The following LCOR variants were observed in gnomAD, a reference collection of about 807,000 sequenced individuals.
LCOR encodes the protein ligand dependent nuclear receptor corepressor, also known as ligand-dependent corepressor.
In LCOR, 14 loss-of-function variants were observed where a neutral mutation model predicts 64.4. The ratio of observed to expected loss-of-function variants is 0.22; its 90% CI spans 0.14 to 0.34. The LOEUF (loss-of-function observed/expected upper bound fraction) is 0.34. LCOR is among the 10% of genes least tolerant of loss of function. The pLI is 1.00. For synonymous variants in LCOR, 643 were observed against 642.5 expected (o/e 1.00, Z -0.01); for missense variants, 1,686 against 1,765.3 (o/e 0.96, Z 0.80).
intron 7 of LCOR, among the ~76,000 whole-genome samples, chr10:96,967,216 A>G (rs1298718268): frequency 6.6e-6 from 1 of 152,010 alleles, no homozygotes; most frequent in Non-Finnish European, 1.5e-5. Context: ...TGTAACCTCC[A>G]CTTCCCAGGT....
intron 4 of LCOR, among the ~76,000 whole-genome samples, chr10:96,943,728 A>C (rs1589673518): frequency 6.6e-6 from 1 of 151,290 alleles, no homozygotes; most frequent in South Asian, 2.1e-4. Flanking sequence ...TTGGAATTCA[A>C]AAAAAATTTT....
intron 2 of LCOR, among the ~76,000 whole-genome samples, chr10:96,866,810 A>T (rs945664487): frequency 2.0e-5 from 3 of 152,144 alleles, no homozygotes; most frequent in African/African-American, 7.2e-5. Context: ...TCCTGACCTC[A>T]GGTGATCTGC....
chr10:96,858,291 G>A (rs753357871), intron 2 of LCOR, among the ~76,000 whole-genome samples: 7 of 152,146 alleles, frequency 4.6e-5, no homozygotes, highest in Non-Finnish European at 8.8e-5. Flanking sequence ...TTTTTGTTCA[G>A]AGCATGTTAC....
chr10:96,959,303 T>G (rs1311887336), intron 7 of LCOR: 1 of 152,208 alleles, frequency 6.6e-6, no homozygotes, highest in Non-Finnish European at 1.5e-5. Context: ...GAAAGTGTAG[T>G]TCACAACTGT....
chr10:96,935,310 G>A (rs1190435938), intron 4 of LCOR, among the ~76,000 whole-genome samples: 2 of 151,524 alleles, frequency 1.3e-5, no homozygotes, highest in Non-Finnish European at 2.9e-5. Flanking sequence ...CACCACCCCT[G>A]GCTAATGTTT....
At chr10:96,966,275 T>C (rs1373728730) in intron 7 of LCOR, among the ~76,000 whole-genome samples, 3 of 137,664 alleles carry the variant, frequency 2.2e-5, no homozygotes, top group African/African-American at 2.8e-5. Flanking sequence ...GTCTCCCAGG[T>C]TGGAGTGCAG....
rs769041965 is a variant in LCOR at position 96,907,835 on chromosome 10, T to A, written c.-184+88T>A. The stretch of plus-strand genomic sequence containing the variant: ...ACATTGTGTTACTTTGTTGGAGGAT[T>A]TGTAGGAAAAGGAAGGTATGGTTTC... On this transcript the variant is annotated intron_variant, in intron 4 of 7. Coordinates refer to ENST00000421806, the MANE Select transcript of LCOR (RefSeq NM_001346516.2). 10 of 340,674 alleles carry A rather than the reference T, an allele frequency of 2.9e-5. No homozygotes were observed. In the South Asian group the frequency reaches 3.5e-4, roughly 12 times the overall value. The allele number at this position is 340,674 out of a possible 1,614,324, so 21.1% of individuals were successfully genotyped here.
At chr10:96,873,572 G>GT (rs1846110932) in intron 2 of LCOR, among the ~76,000 whole-genome samples, 1 of 3,806 alleles carries the variant, frequency 2.6e-4, no homozygotes, top group Non-Finnish European at 1.3e-3. Context: ...ACACACACAC[G>GT]TGTGTGTGTG....
rs1351319490 is a variant in LCOR, at chr10:96,986,976, G to C, written c.*1842G>C. The stretch of plus-strand genomic sequence containing the variant: ...GACTGGAGAAAAGTATTTGATTTGT[G>C]AGAAATTTAGAATTGTGTTGAATTT... On this transcript the variant is annotated 3_prime_UTR_variant, in exon 8 of 8. Transcript: ENST00000421806. 6.6e-6 allele frequency: 1 copy of C among 152,196 alleles called. No individual in the cohort carries two copies. Among genetic ancestry groups the C allele is most frequent in the Non-Finnish European group, 1.5e-5 (1 of 68,030 alleles). 9.4% of individuals were successfully genotyped at this position (152,196 alleles called of 1,614,324 possible). A position where few individuals can be genotyped will look rare whatever the true frequency, so the allele number is the denominator to read the frequency against.
At chr10:96,976,375 G>A (rs1352997186) in intron 7 of LCOR, among the ~76,000 whole-genome samples, 4 of 152,068 alleles carry the variant, frequency 2.6e-5, no homozygotes, top group Admixed American at 2.6e-4. Flanking sequence ...GTATTACATT[G>A]TTCCAGGTTA....
chr10:96,852,424 AAAC>A (rs890274361), intron 2 of LCOR, among the ~76,000 whole-genome samples: 1 of 152,212 alleles, frequency 6.6e-6, no homozygotes, highest in Admixed American at 6.5e-5. Context: ...CTATCTCAAA[AAAC>A]AACAACAAAA....
At position 96,957,561 on chromosome 10, in the gene LCOR, CATT is replaced by C. The variant is rs1046110782; in HGVS notation, c.332+5369_332+5371del. 15 of 985,106 alleles carry C rather than the reference CATT, an allele frequency of 1.5e-5. No homozygotes were observed. In the African/African-American group the frequency reaches 2.1e-4, roughly 14 times the overall value. 61.0% of individuals were successfully genotyped at this position (985,106 alleles called of 1,614,324 possible). On this transcript the variant is annotated intron_variant, in intron 7 of 7. Transcript: ENST00000421806. ...TTCTAAATGCTTAACCAAAAACAAA[CATT>C]ATTGGAGTTTCAGTGTAAAATAAAA...
At chr10:96,975,550 A>T (rs969121846) in intron 7 of LCOR, among the ~76,000 whole-genome samples, 3 of 151,714 alleles carry the variant, frequency 2.0e-5, no homozygotes, top group African/African-American at 7.3e-5. Flanking sequence ...GCTGCCCAGG[A>T]AGAAAACTCA....
chr10:96,962,879 T>C (rs1312368253), intron 7 of LCOR: 1 of 152,206 alleles, frequency 6.6e-6, no homozygotes, highest in Non-Finnish European at 1.5e-5. Flanking sequence ...ATAAAACTAA[T>C]GTTCTTAGGA....
intron 2 of LCOR, among the ~76,000 whole-genome samples, chr10:96,849,690 C>T (rs903796006): frequency 6.6e-6 from 1 of 152,106 alleles, no homozygotes; most frequent in East Asian, 1.9e-4. Flanking sequence ...AAAAAACATC[C>T]TCCCGGTGCT....
intron 2 of LCOR, among the ~76,000 whole-genome samples, chr10:96,891,876 G>A (rs1423345259): frequency 6.6e-5 from 10 of 151,968 alleles, no homozygotes. Flanking sequence ...ATTTAAGAAT[G>A]TATTGTTTAA....
intron 4 of LCOR, among the ~76,000 whole-genome samples, chr10:96,920,732 A>ATATATGTGTG (rs1266584354): frequency 1.5e-5 from 2 of 133,340 alleles, no homozygotes; most frequent in South Asian, 2.4e-4. Flanking sequence ...ATATGTTCAT[A>ATATATGTGTG]TATATGTGTA....
intron 4 of LCOR, 72 bp downstream of exon 4, chr10:96,907,819 T>A (rs1846755362): frequency 2.4e-6 from 1 of 408,972 alleles, no homozygotes; most frequent in Admixed American, 6.4e-5. Flanking sequence ...AACATTGTGT[T>A]ACTTTGTTGG....
chr10:96,899,617 CTG>C (rs1234626456), intron 2 of LCOR, among the ~76,000 whole-genome samples: 6 of 151,906 alleles, frequency 3.9e-5, no homozygotes, highest in African/African-American at 1.2e-4. Flanking sequence ...ACATTTAAAT[CTG>C]TAAGTATAAA....
Sources: allele counts gnomAD v4.1 joint callset (sites outside exome capture counted in the v4.1 genomes callset), GRCh38; gene constraint gnomAD v4.1.1; transcripts MANE v1.5; gene names NCBI Gene and HGNC (gene_info 2026-07-23, HGNC 2026-07-21).